PPP1R7: variants seen among roughly 807,000 people sequenced by gnomAD.
PPP1R7 encodes protein phosphatase 1 regulatory subunit 22.
In PPP1R7, 18 loss-of-function variants were observed where a neutral mutation model predicts 45.2. The observed-to-expected ratio is 0.40, with a 90% CI of 0.28 to 0.59. The LOEUF (loss-of-function observed/expected upper bound fraction) is 0.59, where lower values mean the gene tolerates loss of function less well. PPP1R7 is among the 20% of genes least tolerant of loss of function. The pLI is 0.46. For missense variants in PPP1R7, 314 were observed against 455.8 expected (o/e 0.69, Z 2.83); for synonymous variants, 181 against 183.4 (o/e 0.99, Z 0.11).
intron 9 of PPP1R7, among the ~76,000 whole-genome samples, chr2:241,177,580 A>G (rs2067929434): frequency 6.6e-6 from 1 of 152,228 alleles, no homozygotes. Flanking sequence ...ATGACATACA[A>G]AAAGTTCTTT....
At chr2:241,164,371 G>A (rs1034793584) in intron 7 of PPP1R7, among the ~76,000 whole-genome samples, 1 of 152,196 alleles carries the variant, frequency 6.6e-6, no homozygotes, top group Admixed American at 6.5e-5. Flanking sequence ...TATCAACCCT[G>A]TTAGACTTCT....
chr2:241,165,735 A>G (rs1290294762), intron 7 of PPP1R7, among the ~76,000 whole-genome samples: 3 of 151,648 alleles, frequency 2.0e-5, no homozygotes, highest in African/African-American at 7.3e-5. Context: ...CTGGGACTAC[A>G]GGCACCCGCC....
chr2:241,149,888 G>C, upstream of PPP1R7: 3 of 1,443,446 alleles, frequency 2.1e-6, no homozygotes, highest in Non-Finnish European at 2.7e-6. Flanking sequence ...GCTGGCTAGC[G>C]GCCCCACCAG....
Position 241,183,021 on chromosome 2 carries a change from T to C in PPP1R7, c.*198T>C. ...CCGTTGCAATTAAATCTTGCCACAC[T>C]GTCCTCCTGGGTGATTGTTGACAGT... On this transcript the variant is annotated 3_prime_UTR_variant, in exon 10 of 10. Transcript: ENST00000234038. The C allele has an allele frequency of 1.6e-6, 1 of 611,972 alleles. No homozygotes were observed. Among genetic ancestry groups the C allele is most frequent in the South Asian group, 2.0e-5 (1 of 49,694 alleles). The allele number at this position is 611,972 out of a possible 1,614,324, so 37.9% of individuals were successfully genotyped here. A position where few individuals can be genotyped will look rare whatever the true frequency, so the allele number is the denominator to read the frequency against.
chr2:241,173,154 C>A (rs1386147954), intron 9 of PPP1R7, among the ~76,000 whole-genome samples: 5 of 151,530 alleles, frequency 3.3e-5, no homozygotes, highest in Non-Finnish European at 7.4e-5. Context: ...TGCCTGTAGT[C>A]CCAGCTACTG....
chr2:241,183,196 A>T lies in PPP1R7; in HGVS notation c.*373A>T. ...TTTACAGGCATTCACGTGCTGTCCG[A>T]GTGGCATTCGGGGGCTGGCCTAGCT... On this transcript the variant is annotated 3_prime_UTR_variant, in exon 10 of 10. Transcript: ENST00000234038. 2.6e-6 allele frequency: 1 copy of T among 380,182 alleles called. No individual in the cohort carries two copies. Among genetic ancestry groups the T allele is most frequent in the Non-Finnish European group, 5.2e-6 (1 of 191,920 alleles). 23.6% of individuals were successfully genotyped at this position (380,182 alleles called of 1,614,324 possible). A position where few individuals can be genotyped will look rare whatever the true frequency, so the allele number is the denominator to read the frequency against.
chr2:241,179,719 TG>T (rs1326767316), intron 9 of PPP1R7, among the ~76,000 whole-genome samples: 1 of 152,156 alleles, frequency 6.6e-6, no homozygotes, highest in Non-Finnish European at 1.5e-5. Context: ...CCATGATGAG[TG>T]TAACATCTTT....
chr2:241,163,151 TC>T, intron 6 of PPP1R7, 133 bp from the exon 7 acceptor site: 1 of 655,564 alleles, frequency 1.5e-6, no homozygotes, highest in Non-Finnish European at 2.8e-6. Flanking sequence ...CCACTGGAAG[TC>T]TTAGCAGATA....
intron 8 of PPP1R7, among the ~76,000 whole-genome samples, chr2:241,167,361 G>A (rs1202987019): frequency 1.3e-5 from 2 of 152,172 alleles, no homozygotes; most frequent in African/African-American, 4.8e-5. Flanking sequence ...GGAAAGTTTG[G>A]TCACCTTCCT....
intron 7 of PPP1R7, among the ~76,000 whole-genome samples, chr2:241,166,119 G>A (rs1051959904): frequency 3.5e-5 from 5 of 143,996 alleles, no homozygotes; most frequent in East Asian, 4.0e-4. Flanking sequence ...AGCCAGGATG[G>A]TCTCGATCTC....
chr2:241,161,972 C>A (rs1008328536), intron 6 of PPP1R7, among the ~76,000 whole-genome samples: 1 of 152,170 alleles, frequency 6.6e-6, no homozygotes. Flanking sequence ...TACTTGGCTT[C>A]TGGAAGTATT....
At chr2:241,172,323 G>A (rs929586691) in intron 9 of PPP1R7, among the ~76,000 whole-genome samples, 1 of 151,764 alleles carries the variant, frequency 6.6e-6, no homozygotes, top group Admixed American at 6.6e-5. Context: ...AATATCTTAC[G>A]ATCCCCATGA....
At chr2:241,160,282 C>A in intron 5 of PPP1R7, 50 bp from the exon 6 acceptor site, 1 of 1,480,898 alleles carries the variant, frequency 6.8e-7, no homozygotes, top group Non-Finnish European at 9.1e-7. Flanking sequence ...GAGTTCTATG[C>A]AACCTATGCT....
chr2:241,166,154 G>A (rs1227642779), intron 7 of PPP1R7, among the ~76,000 whole-genome samples, 183 bp from the exon 8 acceptor site: 3 of 151,400 alleles, frequency 2.0e-5, no homozygotes, highest in Non-Finnish European at 1.5e-5. Context: ...TGCCCCACTC[G>A]GCCTCCCAAA....
chr2:241,181,825 C>T (rs1406270280), intron 9 of PPP1R7, among the ~76,000 whole-genome samples: 1 of 152,188 alleles, frequency 6.6e-6, no homozygotes, highest in Non-Finnish European at 1.5e-5. Context: ...CGTGCTCTTG[C>T]CACCGCGGTT....
chr2:241,163,617 T>C (rs1369664397), intron 7 of PPP1R7, among the ~76,000 whole-genome samples: 2 of 152,226 alleles, frequency 1.3e-5, no homozygotes, highest in African/African-American at 4.8e-5. Context: ...TTTTTCACTT[T>C]TTTAGAAACA....
At chr2:241,177,252 A>T (rs1272764777) in intron 9 of PPP1R7, among the ~76,000 whole-genome samples, 2 of 152,094 alleles carry the variant, frequency 1.3e-5, no homozygotes, top group African/African-American at 4.8e-5. Context: ...CCCTGTCTCT[A>T]CTAAAATACA....
intron 9 of PPP1R7, 120 bp downstream of exon 9, chr2:241,169,987 A>G: frequency 6.2e-6 from 5 of 807,306 alleles, no homozygotes; most frequent in Non-Finnish European, 1.0e-5. Flanking sequence ...GACTCCGCAC[A>G]TCATGAGATT....
intron 9 of PPP1R7, among the ~76,000 whole-genome samples, chr2:241,172,145 T>A (rs1270094276): frequency 7.4e-6 from 1 of 135,244 alleles, no homozygotes; most frequent in Non-Finnish European, 1.6e-5. Context: ...TACCTACTTT[T>A]TGGAGTGACT....
Sources: allele counts gnomAD v4.1 joint callset (sites outside exome capture counted in the v4.1 genomes callset), GRCh38; gene constraint gnomAD v4.1.1; transcripts MANE v1.5; gene names NCBI Gene and HGNC (gene_info 2026-07-23, HGNC 2026-07-21).